The following GMDS variants were observed in gnomAD, a reference collection of about 807,000 sequenced individuals.
GMDS encodes GDP-mannose 4,6 dehydratase.
In GMDS, 20 loss-of-function variants were observed where a neutral mutation model predicts 49.9. The ratio of observed to expected loss-of-function variants is 0.40; its 90% CI spans 0.28 to 0.58. The LOEUF (loss-of-function observed/expected upper bound fraction) is 0.58, where lower values mean the gene tolerates loss of function less well. GMDS is among the 20% of genes least tolerant of loss of function. The pLI, the probability that GMDS is intolerant of heterozygous loss-of-function variation, is 0.42. For synonymous variants in GMDS, 177 were observed against 178.6 expected (o/e 0.99, Z 0.07); for missense variants, 362 against 481.4 (o/e 0.75, Z 2.32).
intron 7 of GMDS, among the ~76,000 whole-genome samples, chr6:1,819,914 A>G (rs1253858124): frequency 6.6e-6 from 1 of 151,588 alleles, no homozygotes; most frequent in African/African-American, 2.4e-5. Context: ...ATAAAATAGT[A>G]TGATACAGAT....
chr6:2,057,996 T>C (rs570849263), intron 4 of GMDS, among the ~76,000 whole-genome samples: 3 of 152,136 alleles, frequency 2.0e-5, no homozygotes, highest in Admixed American at 2.0e-4. Flanking sequence ...CAGAGAAACA[T>C]CTCCAGCCTC....
intron 9 of GMDS, among the ~76,000 whole-genome samples, chr6:1,658,567 G>C (rs558830526): frequency 3.3e-5 from 5 of 152,208 alleles, no homozygotes; most frequent in Non-Finnish European, 7.3e-5. Context: ...AGAAACATCA[G>C]TCTTTCTGAA....
intron 7 of GMDS, among the ~76,000 whole-genome samples, chr6:1,796,833 G>C (rs1455235503): frequency 2.6e-5 from 4 of 152,208 alleles, no homozygotes; most frequent in Non-Finnish European, 5.9e-5. Flanking sequence ...TCAAACTGTA[G>C]TGATGTTTGA....
At chr6:1,782,880 G>GATC (rs1320148700) in intron 7 of GMDS, among the ~76,000 whole-genome samples, 6 of 152,226 alleles carry the variant, frequency 3.9e-5, no homozygotes, top group African/African-American at 1.4e-4. Flanking sequence ...GAGGCTGGGT[G>GATC]TGGTGGCTCA....
At chr6:2,069,977 A>G (rs1771883237) in intron 4 of GMDS, among the ~76,000 whole-genome samples, 1 of 151,850 alleles carries the variant, frequency 6.6e-6, no homozygotes. Flanking sequence ...ACGTATGTTT[A>G]TTGCAGCATT....
intron 9 of GMDS, among the ~76,000 whole-genome samples, chr6:1,647,784 G>C (rs888650907): frequency 2.0e-5 from 3 of 152,176 alleles, no homozygotes; most frequent in African/African-American, 4.8e-5. Flanking sequence ...AGGCCGGAGT[G>C]GGGGAAGGAC....
intron 7 of GMDS, among the ~76,000 whole-genome samples, chr6:1,827,954 C>T (rs1771198834): frequency 6.6e-6 from 1 of 152,034 alleles, no homozygotes; most frequent in African/African-American, 2.4e-5. Context: ...AATAAAATGA[C>T]ATAAAACATA....
intron 4 of GMDS, among the ~76,000 whole-genome samples, chr6:2,007,569 T>A (rs1767276155): frequency 1.3e-5 from 2 of 152,244 alleles, no homozygotes; most frequent in South Asian, 2.1e-4. Flanking sequence ...TTTTCTTTTT[T>A]TTTTAGTTTA....
At chr6:2,006,399 G>A (rs1354338268) in intron 4 of GMDS, among the ~76,000 whole-genome samples, 1 of 152,010 alleles carries the variant, frequency 6.6e-6, no homozygotes, top group Non-Finnish European at 1.5e-5. Flanking sequence ...CTGCACCTCT[G>A]CCTGAACCAC....
At chr6:2,164,099 G>T (rs1010876287) in intron 1 of GMDS, among the ~76,000 whole-genome samples, 2 of 152,140 alleles carry the variant, frequency 1.3e-5, no homozygotes, top group African/African-American at 4.8e-5. Context: ...TTGGTCCATG[G>T]TTCAGCCAAC....
At chr6:1,956,935 G>C (rs1763670672) in intron 6 of GMDS, among the ~76,000 whole-genome samples, 1 of 151,444 alleles carries the variant, frequency 6.6e-6, no homozygotes, top group Non-Finnish European at 1.5e-5. Context: ...CCGAGTAGCT[G>C]GGATTACAGG....
At chr6:2,126,290 T>C (rs1775430385) in intron 1 of GMDS, among the ~76,000 whole-genome samples, 1 of 152,158 alleles carries the variant, frequency 6.6e-6, no homozygotes, top group Non-Finnish European at 1.5e-5. Flanking sequence ...GACGAAAAGA[T>C]AAAAATGGGA....
chr6:1,906,409 C>T (rs536594608), intron 7 of GMDS, among the ~76,000 whole-genome samples: 2 of 152,186 alleles, frequency 1.3e-5, no homozygotes, highest in Non-Finnish European at 1.5e-5. Flanking sequence ...CACCAAAACA[C>T]TAATTGCTGT....
At chr6:1,679,396 T>G (rs1051124035) in intron 9 of GMDS, 4 of 152,246 alleles carry the variant, frequency 2.6e-5, no homozygotes, top group African/African-American at 7.2e-5. Flanking sequence ...ACAACATCCT[T>G]AAATAATTTA....
At chr6:2,166,527 T>A (rs1339347900) in intron 1 of GMDS, among the ~76,000 whole-genome samples, 1 of 152,190 alleles carries the variant, frequency 6.6e-6, no homozygotes, top group Non-Finnish European at 1.5e-5. Flanking sequence ...AAATTCAAAT[T>A]CGGATCTGAC....
intron 7 of GMDS, among the ~76,000 whole-genome samples, chr6:1,835,864 TTTTA>T (rs201210229): frequency 2.0e-5 from 3 of 151,756 alleles, no homozygotes; most frequent in South Asian, 2.1e-4. Context: ...TTTTATTTTA[TTTTA>T]TTTTTTATTT....
At chr6:1,998,719 T>C (rs779146695) in intron 4 of GMDS, among the ~76,000 whole-genome samples, 41 of 152,136 alleles carry the variant, frequency 2.7e-4, no homozygotes, top group Admixed American at 5.2e-4. Context: ...ATTTGAAAAA[T>C]ACAGCAGGAT....
Position 2,006,837 on chromosome 6 carries a change from C to T in GMDS, c.346-45871G>A, listed in dbSNP as rs138202326. ...TACAAAATATACGAAGTTTTGCAAA[C>T]ACAGTGTTCAAAGCAACTGGGAGAA... On this transcript the variant is annotated intron_variant, in intron 4 of 10. Transcript: ENST00000380815. 9.5e-4 allele frequency among the ~76,000 whole-genome samples: 144 copies of T among 152,154 alleles called. No homozygotes were observed. In the East Asian group the frequency reaches 0.025, roughly 26 times the overall value.
chr6:1,749,680 A>G (rs1480500048), intron 7 of GMDS, among the ~76,000 whole-genome samples: 1 of 152,150 alleles, frequency 6.6e-6, no homozygotes, highest in Non-Finnish European at 1.5e-5. Flanking sequence ...GTGGGTATCT[A>G]TGAGGATAGT....
Sources: allele counts gnomAD v4.1 joint callset (sites outside exome capture counted in the v4.1 genomes callset), GRCh38; gene constraint gnomAD v4.1.1; transcripts MANE v1.5; gene names NCBI Gene and HGNC (gene_info 2026-07-23, HGNC 2026-07-21).